Variants in C1orf94 observed in about 807,000 individuals in gnomAD.
C1orf94 encodes the protein chromosome 1 open reading frame 94.
C1orf94 carries 45 observed loss-of-function variants against 53.6 expected under a neutral mutation model. The ratio of observed to expected loss-of-function variants is 0.84; its 90% CI spans 0.66 to 1.08. C1orf94 has a LOEUF of 1.08. Ranked by LOEUF, C1orf94 falls within the 50% of genes least tolerant of loss-of-function variation. The pLI, the probability that C1orf94 is intolerant of heterozygous loss-of-function variation, is 0.00. For missense variants in C1orf94, 762 were observed against 738.9 expected, an observed-to-expected ratio of 1.03 and a Z score of -0.36; for synonymous variants, 304 against 296.1, an observed-to-expected ratio of 1.03 and a Z score of -0.27.
At chr1:34,185,371 G>C (rs1378908962) in intron 1 of C1orf94, among the ~76,000 whole-genome samples, 1 of 151,978 alleles carries the variant, frequency 6.6e-6, no homozygotes, top group Non-Finnish European at 1.5e-5. Context: ...GTAGAGACAG[G>C]GTTTCACCAT....
rs1471459 is a variant in C1orf94, at chr1:34,205,843, C to G, written c.1447-2314C>G. ...ATGTGAAAGACAAAGTCCCCAACAC[C>G]GAGGAGCTTCAGAGGCTCCTGGGCT... On this transcript the variant is annotated intron_variant, in intron 4 of 6. Coordinates refer to ENST00000488417, the MANE Select transcript of C1orf94 (RefSeq NM_001134734.2). 8.0e-3 allele frequency among the ~76,000 whole-genome samples: 1,215 copies of G among 152,192 alleles called. 16 individuals are homozygous for G. Among genetic ancestry groups the G allele is most frequent in the African/African-American group, 0.028 (1,160 of 41,506 alleles).
rs1438372977 is a variant in C1orf94, at chr1:34,177,909, C to T, written c.120C>T (p.Gly40=). 3 of 1,551,440 alleles carry T rather than the reference C, an allele frequency of 1.9e-6. No homozygotes were observed. Among genetic ancestry groups the T allele is most frequent in the Non-Finnish European group, 2.6e-6 (3 of 1,146,730 alleles). Residue 40 remains glycine (G), a synonymous_variant, in exon 1 of 7, where the codon GGC becomes GGT. Transcript: ENST00000488417. ...CATCCTCGGCCCTGGTGGCCAAGGGCCCCTGCGCCCTGGGCCCATTCCCCA... is the reference window on the plus strand; with the variant it reads ...CATCCTCGGCCCTGGTGGCCAAGGGTCCCTGCGCCCTGGGCCCATTCCCCA... ...LPSSSALVAK[G]PCALGPFPRY... is the part of the protein sequence containing the mutation.
chr1:34,193,854 G>A (rs913906517), intron 1 of C1orf94, among the ~76,000 whole-genome samples: 2 of 152,356 alleles, frequency 1.3e-5, no homozygotes, highest in African/African-American at 2.4e-5. Flanking sequence ...TCAAGGGCAC[G>A]TAGCAGGGCT....
intron 1 of C1orf94, among the ~76,000 whole-genome samples, chr1:34,189,307 G>A: frequency 6.6e-6 from 1 of 152,052 alleles, no homozygotes; most frequent in African/African-American, 2.4e-5. Flanking sequence ...GTGTGTGCAT[G>A]ACTGTGGTGT....
At position 34,197,618 on chromosome 1, in the gene C1orf94, G is replaced by C. The variant is rs752051480; in HGVS notation, c.714G>C (p.Lys238Asn). Reference sequence around the variant, plus strand: ...GTGACTCCAACTTGCAAGTCAGCAAGCTTCTGTCCCAGTTCCCACTGAAGT... The same window carrying C: ...GTGACTCCAACTTGCAAGTCAGCAACCTTCTGTCCCAGTTCCCACTGAAGT... Reference protein sequence around the residue: ...ILGDSNLQVSKLLSQFPLKST... With the variant: ...ILGDSNLQVSNLLSQFPLKST... Residue 238 changes from lysine (K) to asparagine (N), a missense_variant, in exon 2 of 7, where the codon AAG becomes AAC. By Grantham distance (94) the Lys-to-Asn change is moderately conservative (BLOSUM62 0). Transcript: ENST00000488417. The surrounding 1 kb of genome is among the most constrained non-coding windows in gnomAD (Gnocchi z 4.1). 1.9e-6 allele frequency: 3 copies of C among 1,614,050 alleles called. No individual in the cohort carries two copies. The Admixed American group carries it at 5.0e-5, about 27-fold the overall frequency.
rs772912341 is a variant in C1orf94 at position 34,200,812 on chromosome 1, G to A, written c.1050G>A (p.Gly350=). ...PGTKEPKKGQ[G]SLFLSQWPQS... ...CCAAGGAGCCAAAAAAGGGTCAAGG[G>A]AGCCTCTTTCTCAGCCAGTGGCCCC... is the stretch of plus-strand genomic sequence containing the variant. Residue 350 remains glycine (G), a synonymous_variant, in exon 3 of 7, where the codon GGG becomes GGA. Coordinates refer to ENST00000488417, the MANE Select transcript of C1orf94 (RefSeq NM_001134734.2). 4.3e-6 allele frequency: 7 copies of A among 1,614,156 alleles called. No individual in the cohort carries two copies. The highest frequency in any genetic ancestry group is 2.2e-5 in the East Asian group (1 of 44,892).
chr1:34,191,120 A>G (rs552786885), intron 1 of C1orf94, among the ~76,000 whole-genome samples: 2 of 152,288 alleles, frequency 1.3e-5, no homozygotes, highest in Admixed American at 1.3e-4. Flanking sequence ...CTAATTCCCA[A>G]ACACTTTTCA....
rs561857219 is a variant in C1orf94, at chr1:34,204,720, T to G, written c.1446+2461T>G. Among the ~76,000 whole-genome samples, 17 of 152,316 alleles carry G rather than the reference T, an allele frequency of 1.1e-4. No homozygotes were observed. In the East Asian group the frequency reaches 1.9e-3, roughly 17 times the overall value. On this transcript the variant is annotated intron_variant, in intron 4 of 6. Transcript: ENST00000488417. ...GCCTACTAGAGGCTGAGCATTGTTC[T>G]AGGTGGAGGGATTCAAAGATGACTA...
intron 4 of C1orf94, among the ~76,000 whole-genome samples, chr1:34,205,583 C>A (rs781229204): frequency 3.3e-5 from 5 of 152,096 alleles, no homozygotes; most frequent in African/African-American, 4.8e-5. Context: ...TTAATTGAGT[C>A]CATGGAAGGG....
intron 1 of C1orf94, among the ~76,000 whole-genome samples, chr1:34,170,048 A>C (rs1438233897): frequency 2.0e-5 from 3 of 152,260 alleles, no homozygotes; most frequent in African/African-American, 7.2e-5. Flanking sequence ...AAGGAAAAAG[A>C]GTTCATGCCA....
intron 2 of C1orf94, among the ~76,000 whole-genome samples, chr1:34,200,287 G>C (rs921752892): frequency 6.6e-6 from 1 of 152,176 alleles, no homozygotes; most frequent in African/African-American, 2.4e-5. Context: ...CAACATCCTT[G>C]TTTTCGCAGC....
Position 34,177,843 on chromosome 1 carries a change from GAA to G in C1orf94, c.56_57del (p.Lys19ArgfsTer49). The G allele has an allele frequency of 6.5e-7, 1 of 1,550,358 alleles. No homozygotes were observed. Among genetic ancestry groups the G allele is most frequent in the Non-Finnish European group, 8.7e-7 (1 of 1,145,982 alleles). ...CCCTGGGTGGACAGAGGGGCTTCCA[GAA>G]AGAGAGGAGGAGGATGGCCAGCGGG... is the stretch of plus-strand genomic sequence containing the variant. ...LALGGQRGFQ[K>X]ERRRMASGNG... On this transcript the variant is annotated frameshift_variant, in exon 1 of 7. Coordinates refer to ENST00000488417, the MANE Select transcript of C1orf94 (RefSeq NM_001134734.2). LOFTEE classifies it high-confidence loss of function.
At chr1:34,181,907 G>A (rs34800617) in intron 1 of C1orf94, among the ~76,000 whole-genome samples, 14,603 of 152,204 alleles carry the variant, frequency 0.096, 950 homozygotes, top group Non-Finnish European at 0.15. Context: ...AAAATGGAGA[G>A]CAAGGGCCAG....
Position 34,200,843 on chromosome 1 carries a change from C to T in C1orf94, c.1081C>T (p.Gln361Ter), listed in dbSNP as rs1476811981. 6.2e-7 allele frequency: 1 copy of T among 1,614,040 alleles called. No homozygotes were observed. The highest frequency in any genetic ancestry group is 1.3e-5 in the African/African-American group (1 of 74,926). Residue 361 changes from glutamine to a stop codon, truncating the protein, a stop_gained, in exon 3 of 7, where the codon CAG becomes TAG. Transcript: ENST00000488417. LOFTEE classifies it high-confidence loss of function. ...CTTTCTCAGCCAGTGGCCCCAGAGC[C>T]AGAAGGACGCCTGTGGTGAGGAGGG... ...SLFLSQWPQS[Q>*]KDACGEEGCC... is the part of the protein sequence containing the mutation.
At chr1:34,209,575 C>T (rs1207950983) in intron 5 of C1orf94, among the ~76,000 whole-genome samples, 7 of 152,196 alleles carry the variant, frequency 4.6e-5, no homozygotes, top group Non-Finnish European at 7.4e-5. Flanking sequence ...ACAACCTCTG[C>T]CTCTCCTGTC....
At chr1:34,187,580 G>A (rs943276439) in intron 1 of C1orf94, among the ~76,000 whole-genome samples, 1 of 149,990 alleles carries the variant, frequency 6.7e-6, no homozygotes, top group East Asian at 1.9e-4. Flanking sequence ...CAGCTCCCAA[G>A]TCACATTAAA....
intron 1 of C1orf94, among the ~76,000 whole-genome samples, chr1:34,187,765 A>ACACCCCCC (rs1642405889): frequency 4.8e-5 from 1 of 20,668 alleles, no homozygotes; most frequent in Admixed American, 5.6e-4. Flanking sequence ...CACTGAATCC[A>ACACCCCCC]CCCACCCCCC....
At chr1:34,217,021 G>A (rs1055462535) in intron 6 of C1orf94, among the ~76,000 whole-genome samples, 6 of 152,116 alleles carry the variant, frequency 3.9e-5, no homozygotes, top group African/African-American at 4.8e-5. Flanking sequence ...CAGAGATTGC[G>A]GTGAGTCAAG....
chr1:34,178,235 C>G, intron 1 of C1orf94, 126 bp downstream of exon 1: 2 of 1,035,696 alleles, frequency 1.9e-6, no homozygotes, highest in Non-Finnish European at 2.7e-6. Flanking sequence ...TTGCCCCCTC[C>G]ATGGTCCTTT....
Sources: allele counts gnomAD v4.1 joint callset (sites outside exome capture counted in the v4.1 genomes callset), GRCh38; gene constraint gnomAD v4.1.1; non-coding constraint Gnocchi (gnomAD v3.1); transcripts MANE v1.5; gene names NCBI Gene and HGNC (gene_info 2026-07-23, HGNC 2026-07-21).